Variants in PSMD13 observed in about 807,000 individuals in gnomAD.
PSMD13 encodes the protein proteasome 26S subunit, non-ATPase 13, also known as 26S proteasome non-ATPase regulatory subunit 13.
Under a neutral mutation model 57.4 loss-of-function variants are expected in PSMD13, and 8 were observed. The observed-to-expected ratio is 0.14, with a 90% CI of 0.08 to 0.25. PSMD13 has a LOEUF of 0.25. Ranked by LOEUF, PSMD13 falls within the 10% of genes least tolerant of loss-of-function variation. The pLI is 1.00. For missense variants in PSMD13, 400 were observed against 461.5 expected, an observed-to-expected ratio of 0.87 and a Z score of 1.22; for synonymous variants, 193 against 168.2, an observed-to-expected ratio of 1.15 and a Z score of -1.14.
At chr11:238,467 C>T (rs1159542620) in intron 1 of PSMD13, among the ~76,000 whole-genome samples, 1 of 152,206 alleles carries the variant, frequency 6.6e-6, no homozygotes, top group African/African-American at 2.4e-5. Context: ...CTTTCTGCTA[C>T]ACCGTAGAGA....
rs1564824704 is a variant in PSMD13, at chr11:252,554, G to C, written c.1085G>C (p.Ser362Thr). Residue 362 changes from serine (S) to threonine (T), a missense_variant, in exon 13 of 13, where the codon AGC (serine) becomes ACC (threonine). Physicochemically the swap from Ser to Thr is moderately conservative, Grantham distance 58. Transcript: ENST00000532097. The surrounding 1 kb of genome is among the most constrained non-coding windows in gnomAD (Gnocchi z 4.1). ...RLEFWCTDVK[S>T]MEMLVEHQAH... ...GAGTTCTGGTGCACGGATGTGAAGA[G>C]CATGGAGATGCTGGTGGAGCACCAG... 1 of 1,614,028 alleles carries C rather than the reference G, an allele frequency of 6.2e-7. No individual in the cohort carries two copies. Among genetic ancestry groups the C allele is most frequent in the East Asian group, 2.2e-5 (1 of 44,900 alleles).
intron 5 of PSMD13, 59 bp from the exon 6 acceptor site, chr11:244,616 C>T: frequency 6.5e-7 from 1 of 1,547,520 alleles, no homozygotes; most frequent in South Asian, 1.1e-5. Flanking sequence ...TAGCTAGCTT[C>T]CTTTGTTAGT....
At chr11:245,475 G>A (rs1005807307) in intron 6 of PSMD13, among the ~76,000 whole-genome samples, 9 of 152,292 alleles carry the variant, frequency 5.9e-5, no homozygotes, top group East Asian at 3.9e-4. Context: ...GGCATGTCAC[G>A]TGCTATTTCT....
intron 9 of PSMD13, 149 bp from the exon 10 acceptor site, chr11:250,654 A>G: frequency 1.6e-6 from 1 of 634,272 alleles, no homozygotes; most frequent in Non-Finnish European, 2.8e-6. Context: ...GTTGTTAATG[A>G]GCTTCAGCAG....
intron 1 of PSMD13, among the ~76,000 whole-genome samples, chr11:238,097 C>T (rs1310371989): frequency 2.0e-5 from 3 of 152,124 alleles, no homozygotes; most frequent in Non-Finnish European, 4.4e-5. Flanking sequence ...TAAATATTAG[C>T]CTTTGGGTTT....
chr11:244,675 G>C lies in PSMD13; in HGVS notation c.310G>C (p.Val104Leu). 1 of 1,609,726 alleles carries C rather than the reference G, an allele frequency of 6.2e-7. No homozygotes were observed. The highest frequency in any genetic ancestry group is 1.1e-5 in the South Asian group (1 of 89,616). The change falls in exon 6 of 13, where the codon GTG (valine) becomes CTG (leucine). Residue 104 changes from valine to leucine, a missense_variant and splice_region_variant. Coordinates refer to ENST00000532097, the MANE Select transcript of PSMD13 (RefSeq NM_002817.4). Reference protein sequence around the residue: ...LTFLEKTREKVKSSDEAVILC... With the variant: ...LTFLEKTREKLKSSDEAVILC... The stretch of plus-strand genomic sequence containing the variant: ...CTTGTTTTTGTTTTTGATGTCTTAG[G>C]TGAAAAGTAGTGATGAGGCAGTGAT...
Position 244,422 on chromosome 11 carries a change from C to G in PSMD13, c.266-4C>G. On this transcript the variant is annotated splice_region_variant and splice_polypyrimidine_tract_variant and intron_variant, in intron 4 of 12. Transcript: ENST00000532097. ...GGTCCTTCTGATTGTTCCTTCTTTT[C>G]CAGATCCTAATGTGGCTCTTACTTT... 1 of 1,610,524 alleles carries G rather than the reference C, an allele frequency of 6.2e-7. No individual in the cohort carries two copies. Among genetic ancestry groups the G allele is most frequent in the Non-Finnish European group, 8.5e-7 (1 of 1,176,912 alleles).
Position 252,105 on chromosome 11 carries a change from C to A in PSMD13, c.1035+169C>A. The stretch of plus-strand genomic sequence containing the variant: ...GTTTTTCTAAGAGCCTAATTTAATG[C>A]AAGCCTAGGGTTTGAACCCTGCATT... On this transcript the variant is annotated intron_variant, in intron 12 of 12. Transcript: ENST00000532097. The surrounding 1 kb of genome is among the most constrained non-coding windows in gnomAD (Gnocchi z 4.1). The A allele has an allele frequency of 1.6e-6, 1 of 645,018 alleles. No individual in the cohort carries two copies. Among genetic ancestry groups the A allele is most frequent in the Non-Finnish European group, 2.7e-6 (1 of 368,580 alleles). The allele number at this position is 645,018 out of a possible 1,614,324, so 40.0% of individuals were successfully genotyped here. A position where few individuals can be genotyped will look rare whatever the true frequency, so the allele number is the denominator to read the frequency against.
rs1238876024 is a variant in PSMD13, at chr11:251,594, A to T, written c.886A>T (p.Ile296Phe). ...ANHRQLTFEE[I>F]AKSAKITVNE... is the part of the protein sequence containing the mutation. ...TCACAGACAACTCACTTTTGAAGAAATTGCCAAAAGTGCTAAAATCACAGT... is the reference window on the plus strand; with the variant it reads ...TCACAGACAACTCACTTTTGAAGAATTTGCCAAAAGTGCTAAAATCACAGT... Residue 296 changes from isoleucine to phenylalanine, a missense_variant, in exon 11 of 13, where the codon ATT becomes TTT. Physicochemically the swap from Ile to Phe is conservative, Grantham distance 21. Transcript: ENST00000532097. The surrounding 1 kb of genome is among the most constrained non-coding windows in gnomAD (Gnocchi z 4.6). 1.2e-6 allele frequency: 2 copies of T among 1,614,126 alleles called. No individual in the cohort carries two copies. The highest frequency in any genetic ancestry group is 1.7e-6 in the Non-Finnish European group (2 of 1,179,968).
chr11:239,056 C>G lies in PSMD13; in HGVS notation c.154C>G (p.Gln52Glu), dbSNP rs1431905528. 1 of 1,613,912 alleles carries G rather than the reference C, an allele frequency of 6.2e-7. No homozygotes were observed. The highest frequency in any genetic ancestry group is 1.1e-5 in the South Asian group (1 of 91,072). The change falls in exon 2 of 13, where the codon CAA (glutamine) becomes GAA (glutamate). Residue 52 changes from glutamine (Q) to glutamate (E), a missense_variant. Gln to Glu is a conservative substitution (Grantham distance 29). Transcript: ENST00000532097. ...TTTTGTGCAGGATCCGTGCTTTGCCCAAGGAGATGGTCTCATTAAGGTAAA... is the reference window on the plus strand; with the variant it reads ...TTTTGTGCAGGATCCGTGCTTTGCCGAAGGAGATGGTCTCATTAAGGTAAA... ...LDFVQDPCFA[Q>E]GDGLIKLYEN...
intron 2 of PSMD13, among the ~76,000 whole-genome samples, chr11:241,878 C>T (rs1319180028): frequency 6.6e-6 from 1 of 152,176 alleles, no homozygotes; most frequent in Non-Finnish European, 1.5e-5. Flanking sequence ...TTCGGCCTTG[C>T]ACTCTGGACA....
rs747251815 is a variant in PSMD13 at position 240,097 on chromosome 11, C to G, written c.174+1021C>G. 3.0e-4 allele frequency among the ~76,000 whole-genome samples: 26 copies of G among 85,782 alleles called. 1 individual carries two copies. The highest frequency in any genetic ancestry group is 5.7e-4 in the Non-Finnish European group (23 of 40,132). 56.3% of individuals were successfully genotyped at this position (85,782 alleles called of 152,430 possible). ...TTATGTGGGAAAATGATAAATGAGA[C>G]CTGCTTTTTTTTTTTTTTTTTTTTT... On this transcript the variant is annotated intron_variant, in intron 2 of 12. Transcript: ENST00000532097.
chr11:237,295 G>A (rs1859304298), intron 1 of PSMD13, 151 bp downstream of exon 1: 1 of 698,010 alleles, frequency 1.4e-6, no homozygotes, highest in South Asian at 1.9e-5. Flanking sequence ...GTGCCGGCAA[G>A]GTTTGCTGAG....
intron 2 of PSMD13, chr11:243,179 T>C (rs530323396): frequency 1.6e-6 from 1 of 631,516 alleles, no homozygotes; most frequent in Non-Finnish European, 3.1e-6. Flanking sequence ...TGTGTCCTTG[T>C]TTTTAATTTA....
Position 246,524 on chromosome 11 carries a change from G to GT in PSMD13, c.397-745dup, listed in dbSNP as rs780825961. On this transcript the variant is annotated intron_variant, in intron 6 of 12. Coordinates refer to ENST00000532097, the MANE Select transcript of PSMD13 (RefSeq NM_002817.4). ...TCAAAAAAAAAGGGAGATTTAGGTT[G>GT]TTTTTTTTACTATCACAAACAGTAC... Among the ~76,000 whole-genome samples, 17 of 152,042 alleles carry GT rather than the reference G, an allele frequency of 1.1e-4. No individual in the cohort carries two copies. In the South Asian group the frequency reaches 1.2e-3, roughly 11 times the overall value.
chr11:242,236 G>C (rs1253747050), intron 2 of PSMD13, among the ~76,000 whole-genome samples: 1 of 146,950 alleles, frequency 6.8e-6, no homozygotes, highest in Non-Finnish European at 1.5e-5. Context: ...CACATCATTT[G>C]TCTTACACGT....
intron 6 of PSMD13, among the ~76,000 whole-genome samples, chr11:245,770 TG>T (rs1350839153): frequency 3.6e-5 from 2 of 56,262 alleles, no homozygotes; most frequent in East Asian, 6.0e-4. Flanking sequence ...AAGAAAATAT[TG>T]GGGGTAAGGG....
At position 249,015 on chromosome 11, in the gene PSMD13, C is replaced by A. The variant is rs755253526; in HGVS notation, c.732C>A (p.Asn244Lys). The A allele has an allele frequency of 3.0e-5, 49 of 1,613,766 alleles. No individual in the cohort carries two copies. The highest frequency in any genetic ancestry group is 4.0e-5 in the Non-Finnish European group (47 of 1,180,036). ...IDTLYAFNSG[N>K]VERFQTLKTA... The stretch of plus-strand genomic sequence containing the variant: ...CCCTCTATGCCTTCAACAGTGGCAA[C>A]GTAGAGCGGTTCCAGACTCTGAAGA... The change falls in exon 9 of 13, where the codon AAC (asparagine) becomes AAA (lysine). Residue 244 changes from asparagine to lysine, a missense_variant. Physicochemically the swap from Asn to Lys is moderately conservative, Grantham distance 94. Transcript: ENST00000532097.
At chr11:239,922 C>T (rs940306407) in intron 2 of PSMD13, among the ~76,000 whole-genome samples, 6 of 151,946 alleles carry the variant, frequency 3.9e-5, no homozygotes, top group South Asian at 2.1e-4. Context: ...TTTATATGCT[C>T]GCAATAGAGC....
Sources: gnomAD v4.1 joint callset for allele counts (sites outside exome capture counted in the v4.1 genomes callset) on GRCh38, gnomAD v4.1.1 for gene constraint, Gnocchi (gnomAD v3.1) non-coding constraint, MANE v1.5 for transcripts, NCBI Gene and HGNC (gene_info 2026-07-23, HGNC 2026-07-21) for gene names.